PDE4D: variants seen among roughly 807,000 people sequenced by gnomAD.
PDE4D encodes the protein 3',5'-cyclic-AMP phosphodiesterase 4D.
Under a neutral mutation model 87.4 loss-of-function variants are expected in PDE4D, and 24 were observed. The observed-to-expected ratio is 0.27, with a 90% CI of 0.20 to 0.39. PDE4D has a LOEUF of 0.39. Ranked by LOEUF, PDE4D falls within the 10% of genes least tolerant of loss-of-function variation. The pLI, the probability that PDE4D is intolerant of heterozygous loss-of-function variation, is 1.00. For synonymous variants in PDE4D, 384 were observed against 383.2 expected (o/e 1.00, Z -0.02); for missense variants, 714 against 1,041.0 (o/e 0.69, Z 4.32).
At chr5:60,294,395 CGTATG>C (rs1753194133) in intron 1 of PDE4D, among the ~76,000 whole-genome samples, 1 of 151,968 alleles carries the variant, frequency 6.6e-6, no homozygotes, top group South Asian at 2.1e-4. Flanking sequence ...TACTCATTTA[CGTATG>C]TCTTTTGATG....
rs115701311 is a variant in PDE4D at position 58,985,804 on chromosome 5, A to G, written c.1552+2689T>C. ...TTACTGCAAACTAAAAATAAGCACA[A>G]ATTTTGATAAAATATTTCACGAAGC... is the stretch of plus-strand genomic sequence containing the variant. On this transcript the variant is annotated intron_variant, in intron 11 of 14. Transcript: ENST00000340635. 5.5e-3 allele frequency among the ~76,000 whole-genome samples: 841 copies of G among 152,344 alleles called. 6 individuals carry two copies. The highest frequency in any genetic ancestry group is 0.019 in the African/African-American group (797 of 41,578).
intron 6 of PDE4D, among the ~76,000 whole-genome samples, chr5:58,998,381 T>C (rs1749702527): frequency 6.6e-6 from 1 of 152,134 alleles, no homozygotes; most frequent in Admixed American, 6.6e-5. Context: ...AGCTGAATTC[T>C]GGCGGATAAT....
chr5:60,482,319 A>G (rs1748793420), intron 1 of PDE4D, among the ~76,000 whole-genome samples: 1 of 152,164 alleles, frequency 6.6e-6, no homozygotes, highest in Admixed American at 6.5e-5. Flanking sequence ...AGAACTGTAA[A>G]AAAAAAATAA....
chr5:60,413,467 G>A (rs1365420050), intron 1 of PDE4D, among the ~76,000 whole-genome samples: 5 of 152,148 alleles, frequency 3.3e-5, no homozygotes, highest in Non-Finnish European at 5.9e-5. Flanking sequence ...GAAGGAGGAA[G>A]GAGAAGGAGG....
chr5:60,279,223 C>A (rs1487349389), intron 1 of PDE4D, among the ~76,000 whole-genome samples: 2 of 152,114 alleles, frequency 1.3e-5, no homozygotes, highest in African/African-American at 4.8e-5. Flanking sequence ...GCCTTGTTAT[C>A]ATAGGGCAGT....
chr5:59,354,348 T>C (rs1781008953), intron 1 of PDE4D, among the ~76,000 whole-genome samples: 1 of 152,150 alleles, frequency 6.6e-6, no homozygotes, highest in South Asian at 2.1e-4. Context: ...AAATAAGAAA[T>C]GCAAAAACAA....
intron 1 of PDE4D, among the ~76,000 whole-genome samples, chr5:60,447,655 G>A (rs1186014805): frequency 3.9e-5 from 6 of 152,038 alleles, no homozygotes; most frequent in South Asian, 4.1e-4. Flanking sequence ...TACCAATGGC[G>A]GGGAAGGAAA....
At chr5:59,722,235 T>C in intron 1 of PDE4D, among the ~76,000 whole-genome samples, 1 of 152,222 alleles carries the variant, frequency 6.6e-6, no homozygotes, top group Non-Finnish European at 1.5e-5. Flanking sequence ...AAAATGGCCT[T>C]CGTTTCTCGT....
intron 1 of PDE4D, among the ~76,000 whole-genome samples, chr5:60,429,725 T>C (rs1744032556): frequency 6.6e-6 from 1 of 152,232 alleles, no homozygotes; most frequent in South Asian, 2.1e-4. Context: ...GATGATCATG[T>C]GTTTTTTGTT....
intron 1 of PDE4D, among the ~76,000 whole-genome samples, chr5:59,392,814 G>T (rs896250632): frequency 6.6e-6 from 1 of 152,116 alleles, no homozygotes; most frequent in Non-Finnish European, 1.5e-5. Flanking sequence ...CTGAAAGGGA[G>T]AGTGACAGGA....
At chr5:59,668,118 G>T (rs981487144) in intron 1 of PDE4D, among the ~76,000 whole-genome samples, 2 of 152,194 alleles carry the variant, frequency 1.3e-5, no homozygotes, top group Non-Finnish European at 2.9e-5. Context: ...AACTGATATT[G>T]AGGAAATATG....
chr5:60,043,397 C>T (rs112036547), intron 2 of PDE4D, among the ~76,000 whole-genome samples: 1 of 151,976 alleles, frequency 6.6e-6, no homozygotes, highest in Non-Finnish European at 1.5e-5. Flanking sequence ...GTAGAATATC[C>T]CCAACCCAGC....
intron 6 of PDE4D, among the ~76,000 whole-genome samples, chr5:59,025,896 G>T (rs1317046375): frequency 6.6e-6 from 1 of 152,184 alleles, no homozygotes; most frequent in Non-Finnish European, 1.5e-5. Flanking sequence ...CTATTATGGT[G>T]CCTATGGCTG....
intron 2 of PDE4D, among the ~76,000 whole-genome samples, chr5:60,172,650 A>T (rs1191847110): frequency 6.6e-6 from 1 of 152,132 alleles, no homozygotes; most frequent in Non-Finnish European, 1.5e-5. Flanking sequence ...AGAAACAGAC[A>T]AATCTTTAAA....
chr5:59,455,418 C>T (rs939413753), intron 1 of PDE4D, among the ~76,000 whole-genome samples: 8 of 152,220 alleles, frequency 5.3e-5, no homozygotes, highest in African/African-American at 1.9e-4. Context: ...GGTGTTGAGC[C>T]TGCAGGTGCA....
intron 2 of PDE4D, among the ~76,000 whole-genome samples, chr5:60,058,509 T>G (rs150655879): frequency 8.9e-4 from 135 of 152,112 alleles, no homozygotes; most frequent in African/African-American, 3.2e-3. Context: ...TCTATCCATA[T>G]TTATAAAGAT....
At chr5:60,179,436 A>T (rs1369667445) in intron 2 of PDE4D, among the ~76,000 whole-genome samples, 1 of 152,092 alleles carries the variant, frequency 6.6e-6, no homozygotes, top group Non-Finnish European at 1.5e-5. Context: ...ACAATTGATT[A>T]TTGTATAGCA....
chr5:59,610,619 A>T (rs1828868088), intron 1 of PDE4D, among the ~76,000 whole-genome samples: 1 of 152,206 alleles, frequency 6.6e-6, no homozygotes, highest in South Asian at 2.1e-4. Flanking sequence ...GTGCAAAAAG[A>T]CATGGGCAAT....
At chr5:60,002,551 A>T (rs1027317920) in intron 2 of PDE4D, among the ~76,000 whole-genome samples, 4 of 152,182 alleles carry the variant, frequency 2.6e-5, no homozygotes, top group African/African-American at 9.6e-5. Context: ...TTGACAATAC[A>T]TTAAAAATAT....
Sources: gnomAD v4.1 joint callset for allele counts (sites outside exome capture counted in the v4.1 genomes callset) on GRCh38, gnomAD v4.1.1 for gene constraint, MANE v1.5 for transcripts, NCBI Gene and HGNC (gene_info 2026-07-23, HGNC 2026-07-21) for gene names.